BRF1: variants seen among roughly 807,000 people sequenced by gnomAD.
BRF1 encodes the protein BRF1 general transcription factor IIIB subunit.
In BRF1, 59 loss-of-function variants were observed where a neutral mutation model predicts 81.7. The observed-to-expected ratio is 0.72, with a 90% CI of 0.59 to 0.90. The LOEUF (loss-of-function observed/expected upper bound fraction) is 0.90. Ranked by LOEUF, BRF1 falls within the 40% of genes least tolerant of loss-of-function variation. BRF1 has a pLI of 0.00. For synonymous variants in BRF1, 491 were observed against 395.6 expected, an observed-to-expected ratio of 1.24 and a Z score of -2.86; for missense variants, 1,050 against 936.3, an observed-to-expected ratio of 1.12 and a Z score of -1.58.
chr14:105,219,117 G>A (rs372580743), intron 13 of BRF1, 34 bp downstream of exon 13: 17 of 1,613,546 alleles, frequency 1.1e-5, no homozygotes, highest in African/African-American at 6.7e-5. Flanking sequence ...GGGACTGTGC[G>A]TCCTGCGTGT....
intron 1 of BRF1, among the ~76,000 whole-genome samples, chr14:105,287,911 T>A (rs1480438626): frequency 1.3e-5 from 2 of 152,214 alleles, no homozygotes; most frequent in African/African-American, 4.8e-5. Flanking sequence ...CAGCTTTTCC[T>A]GGTGGCAGCA....
intron 6 of BRF1, among the ~76,000 whole-genome samples, chr14:105,229,440 G>A (rs995499806): frequency 5.9e-5 from 9 of 152,244 alleles, no homozygotes; most frequent in Non-Finnish European, 1.0e-4. Context: ...GCCGGGTAGA[G>A]TGGACTCTGT....
intron 3 of BRF1, among the ~76,000 whole-genome samples, chr14:105,258,163 A>G (rs2055973405): frequency 6.6e-6 from 1 of 152,158 alleles, no homozygotes. Context: ...TTTCTACACA[A>G]TTTTTCTGTA....
At chr14:105,227,834 T>C (rs1017766551) in intron 7 of BRF1, 2 of 152,260 alleles carry the variant, frequency 1.3e-5, no homozygotes, top group African/African-American at 4.8e-5. Flanking sequence ...TGAAATACTT[T>C]ACAGCTGGTT....
intron 5 of BRF1, 119 bp downstream of exon 5, chr14:105,252,388 T>C (rs903775176): frequency 2.8e-5 from 41 of 1,448,722 alleles, no homozygotes; most frequent in Non-Finnish European, 3.5e-5. Flanking sequence ...AAGAAACATT[T>C]CTTACCTTGA....
chr14:105,223,564 T>C (rs902370910), intron 10 of BRF1, among the ~76,000 whole-genome samples: 8 of 152,220 alleles, frequency 5.3e-5, no homozygotes, highest in African/African-American at 1.9e-4. Flanking sequence ...ATATACTATG[T>C]GATCCTACTC....
Position 105,256,530 on chromosome 14 carries a change from G to A in BRF1, c.459C>T (p.Ser153=), listed in dbSNP as rs759932242. ...GGAGGCTGTCTACCTGGAGCAGGTC[G>A]CTGAGGTCCAGGAGCATGTCTGCAG... ...EGTPHMLLDL[S]DLLQVNVYVL... is the part of the protein sequence containing the mutation. The change falls in exon 4 of 18, where the codon AGC becomes AGT. Residue 153 remains serine, a synonymous_variant. Transcript: ENST00000547530. 4 of 1,613,964 alleles carry A rather than the reference G, an allele frequency of 2.5e-6. No homozygotes were observed. Among genetic ancestry groups the A allele is most frequent in the African/African-American group, 1.3e-5 (1 of 74,920 alleles).
At chr14:105,217,452 G>C in intron 15 of BRF1, 92 bp downstream of exon 15, 1 of 1,546,812 alleles carries the variant, frequency 6.5e-7, no homozygotes, top group Non-Finnish European at 8.8e-7. Flanking sequence ...TGTGGCCCCG[G>C]CTGGCCCCCG....
chr14:105,257,345 G>A (rs1327393118), intron 3 of BRF1, among the ~76,000 whole-genome samples: 5 of 152,144 alleles, frequency 3.3e-5, no homozygotes, highest in African/African-American at 9.7e-5. Flanking sequence ...GAAGATCCCC[G>A]GGACCAGAGC....
intron 2 of BRF1, among the ~76,000 whole-genome samples, chr14:105,274,215 G>C (rs975806187): frequency 6.6e-6 from 1 of 152,168 alleles, no homozygotes; most frequent in African/African-American, 2.4e-5. Context: ...TGGTTCACAT[G>C]TTTTCTTGCT....
intron 1 of BRF1, among the ~76,000 whole-genome samples, chr14:105,296,431 T>C (rs1307460949): frequency 1.3e-5 from 2 of 151,734 alleles, no homozygotes; most frequent in Non-Finnish European, 2.9e-5. Context: ...GAGAATGGCA[T>C]GAACCTGGGA....
Position 105,272,799 on chromosome 14 carries a change from G to A in BRF1, c.361C>T (p.His121Tyr). 6.2e-7 allele frequency: 1 copy of A among 1,613,988 alleles called. No individual in the cohort carries two copies. Among genetic ancestry groups the A allele is most frequent in the East Asian group, 2.2e-5 (1 of 44,868 alleles). ...FNFFKMAVSR[H>Y]LTRGRKMAHV... ...GCCATCTTCCGGCCGCGGGTCAGGT[G>A]CCTGCTCACGGCCATCTTGAAGAAG... The change falls in exon 3 of 18, where the codon CAC (histidine) becomes TAC (tyrosine). Residue 121 changes from histidine to tyrosine, a missense_variant. Physicochemically the swap from His to Tyr is moderately conservative, Grantham distance 83. Transcript: ENST00000547530.
At chr14:105,245,720 C>A (rs1025169750) in intron 5 of BRF1, among the ~76,000 whole-genome samples, 4 of 152,156 alleles carry the variant, frequency 2.6e-5, no homozygotes, top group African/African-American at 9.7e-5. Flanking sequence ...AACTGGATAT[C>A]CACTTGCAAA....
At chr14:105,211,543 C>T in intron 16 of BRF1, 1 of 530,522 alleles carries the variant, frequency 1.9e-6, no homozygotes, top group Non-Finnish European at 3.3e-6. Context: ...TCCTACTGGG[C>T]CCCACCCCAG....
chr14:105,266,685 A>G (rs1166986359), intron 3 of BRF1, among the ~76,000 whole-genome samples: 1 of 152,126 alleles, frequency 6.6e-6, no homozygotes, highest in African/African-American at 2.4e-5. Context: ...CTCCCTCCCC[A>G]GGACCATGCT....
At chr14:105,272,193 C>T (rs1250176800) in intron 3 of BRF1, among the ~76,000 whole-genome samples, 3 of 137,446 alleles carry the variant, frequency 2.2e-5, no homozygotes, top group Middle Eastern at 3.7e-3. Flanking sequence ...CGCTGAGGGT[C>T]GGCGGCCTCC....
intron 3 of BRF1, among the ~76,000 whole-genome samples, chr14:105,256,813 C>A (rs1248216531): frequency 6.6e-6 from 1 of 152,184 alleles, no homozygotes; most frequent in Non-Finnish European, 1.5e-5. Flanking sequence ...GAACCTGGAG[C>A]CGGGTCGGGG....
intron 12 of BRF1, 64 bp from the exon 13 acceptor site, chr14:105,219,296 G>T (rs756506821): frequency 6.3e-7 from 1 of 1,594,330 alleles, no homozygotes; most frequent in Admixed American, 1.7e-5. Flanking sequence ...TGCTAAGGTC[G>T]CGCTGGCCAG....
At chr14:105,307,852 G>A (rs2058234436) in intron 1 of BRF1, among the ~76,000 whole-genome samples, 1 of 152,224 alleles carries the variant, frequency 6.6e-6, no homozygotes, top group Non-Finnish European at 1.5e-5. Context: ...CAACTCGAGT[G>A]AGACTTGGTG....
Sources: allele counts gnomAD v4.1 joint callset (sites outside exome capture counted in the v4.1 genomes callset), GRCh38; gene constraint gnomAD v4.1.1; transcripts MANE v1.5; gene names NCBI Gene and HGNC (gene_info 2026-07-23, HGNC 2026-07-21).